HERC1: variants seen among roughly 807,000 people sequenced by gnomAD.
HERC1 encodes HECT and RLD domain containing E3 ubiquitin protein ligase family member 1.
HERC1 carries 160 observed loss-of-function variants against 554.3 expected under a neutral mutation model. The ratio of observed to expected loss-of-function variants is 0.29; its 90% confidence interval spans 0.25 to 0.33. The LOEUF (loss-of-function observed/expected upper bound fraction) is 0.33. Ranked by LOEUF, HERC1 falls within the 10% of genes least tolerant of loss-of-function variation. HERC1 has a pLI of 1.00. For synonymous variants in HERC1, 2,175 were observed against 2,131.7 expected (o/e 1.02, Z -0.56); for missense variants, 4,919 against 5,918.5 (o/e 0.83, Z 5.54).
intron 1 of HERC1, among the ~76,000 whole-genome samples, chr15:63,826,366 T>A (rs2077902503): frequency 6.6e-6 from 1 of 152,200 alleles, no homozygotes; most frequent in Admixed American, 6.5e-5. Context: ...GGTTCCAAGA[T>A]ACTGCCATTA....
At position 63,612,458 on chromosome 15, in the gene HERC1, G is replaced by A. The variant is rs760269349; in HGVS notation, c.14193C>T (p.Pro4731=). ...TCTTCAAGACTTCCACAGAGATCTC[G>A]GGCATCCCACACACCATCTGCTCCA... ...KQLEQMVCGM[P]EISVEVLKKV... The change falls in exon 77 of 78, where the codon CCC becomes CCT. Residue 4731 remains proline, a synonymous_variant. Coordinates refer to ENST00000443617, the MANE Select transcript of HERC1 (RefSeq NM_003922.4). This position sits in a 1 kb window ranked among gnomAD's most constrained non-coding sequence, Gnocchi z 5.0. 2.7e-5 allele frequency: 43 copies of A among 1,613,860 alleles called. No homozygotes were observed. Among genetic ancestry groups the A allele is most frequent in the South Asian group, 4.4e-5 (4 of 91,086 alleles).
At position 63,734,790 on chromosome 15, in the gene HERC1, C is replaced by A; in HGVS notation, c.2580G>T (p.Arg860=). The stretch of plus-strand genomic sequence containing the variant: ...GTAAAAGAGAATGAAGTAATTCCAT[C>A]CGTTCTCGTAATGGAGGTAACAGCA... ...ATMLLPPLRE[R]MELLHSLLPQ... is the part of the protein sequence containing the mutation. Residue 860 remains arginine, a synonymous_variant, in exon 13 of 78, where the codon CGG becomes CGT. Coordinates refer to ENST00000443617, the MANE Select transcript of HERC1 (RefSeq NM_003922.4). The surrounding 1 kb of genome is among the most constrained non-coding windows in gnomAD (Gnocchi z 4.6). The A allele has an allele frequency of 6.2e-7, 1 of 1,603,330 alleles. No homozygotes were observed.
intron 25 of HERC1, among the ~76,000 whole-genome samples, chr15:63,700,551 A>G (rs995471074): frequency 3.3e-5 from 5 of 152,080 alleles, no homozygotes; most frequent in African/African-American, 4.8e-5. Flanking sequence ...CAAAGTAACT[A>G]TGAAATAATT....
At chr15:63,760,622 A>C (rs2075581414) in intron 3 of HERC1, among the ~76,000 whole-genome samples, 2 of 151,982 alleles carry the variant, frequency 1.3e-5, no homozygotes, top group Admixed American at 1.3e-4. Flanking sequence ...GTAATGAAAG[A>C]CAAAAAGCAT....
chr15:63,623,837 A>G lies in HERC1; in HGVS notation c.13499T>C (p.Leu4500Pro). The change falls in exon 73 of 78, where the codon CTG becomes CCG. Residue 4500 changes from leucine to proline, a missense_variant. By Grantham distance (98) the Leu-to-Pro change is moderately conservative (BLOSUM62 -3). This residue lies in a region of HERC1 where 410 missense variants were observed against 467.0 expected (regional missense o/e 0.88). Transcript: ENST00000443617. ...AGGCAGGCGGAGGTCTGAAGCATTCAGCTTAACTACTTGTCTCGCTATTTG... is the reference window on the plus strand; with the variant it reads ...AGGCAGGCGGAGGTCTGAAGCATTCGGCTTAACTACTTGTCTCGCTATTTG... ...FVQIARQVVKLNASDLRLPSR... is the reference protein window; with the variant it reads ...FVQIARQVVKPNASDLRLPSR... The G allele has an allele frequency of 6.2e-7, 1 of 1,614,042 alleles. No individual in the cohort carries two copies. The highest frequency in any genetic ancestry group is 8.5e-7 in the Non-Finnish European group (1 of 1,179,896).
chr15:63,832,028 T>C (rs1323287926), intron 1 of HERC1, among the ~76,000 whole-genome samples: 1 of 152,214 alleles, frequency 6.6e-6, no homozygotes. Context: ...ACAAGAGGCC[T>C]TAATAGGCCA....
chr15:63,654,948 A>C (rs1283866587), intron 50 of HERC1, among the ~76,000 whole-genome samples: 1 of 152,168 alleles, frequency 6.6e-6, no homozygotes, highest in East Asian at 1.9e-4. Flanking sequence ...CAGCAGAAAT[A>C]ATTTTAAAAC....
At chr15:63,738,795 G>T (rs895837836) in intron 12 of HERC1, among the ~76,000 whole-genome samples, 4 of 152,114 alleles carry the variant, frequency 2.6e-5, no homozygotes, top group Non-Finnish European at 4.4e-5. Flanking sequence ...AGAATAAAAA[G>T]ATAACCCAAA....
chr15:63,732,802 C>T, intron 14 of HERC1, 122 bp downstream of exon 14: 2 of 638,424 alleles, frequency 3.1e-6, no homozygotes, highest in Non-Finnish European at 5.5e-6. Context: ...CATGTTTTTC[C>T]CCTTGGGGGA....
Position 63,683,890 on chromosome 15 carries a change from C to T in HERC1, c.6225+2469G>A, listed in dbSNP as rs78520774. On this transcript the variant is annotated intron_variant, in intron 34 of 77. Coordinates refer to ENST00000443617, the MANE Select transcript of HERC1 (RefSeq NM_003922.4). Reference sequence around the variant, plus strand: ...ACTCACACATTCTAATTGCCTGGACCTGACTATAAGCTAAAACCTGACACT... The same window carrying T: ...ACTCACACATTCTAATTGCCTGGACTTGACTATAAGCTAAAACCTGACACT... 7.1e-3 allele frequency among the ~76,000 whole-genome samples: 1,083 copies of T among 152,356 alleles called. 13 individuals carry two copies. The highest frequency in any genetic ancestry group is 0.025 in the African/African-American group (1,042 of 41,576).
chr15:63,719,396 G>A (rs979455433), intron 19 of HERC1, among the ~76,000 whole-genome samples: 2 of 152,220 alleles, frequency 1.3e-5, no homozygotes, highest in African/African-American at 2.4e-5. Context: ...GGGGCAAACC[G>A]TGCATGCACA....
At chr15:63,717,632 T>C (rs545927798) in intron 21 of HERC1, among the ~76,000 whole-genome samples, 3 of 152,274 alleles carry the variant, frequency 2.0e-5, no homozygotes, top group African/African-American at 7.2e-5. Context: ...GGTGGGTGGA[T>C]CACTTGAGGT....
chr15:63,624,399 G>A (rs1351979037), intron 71 of HERC1, 72 bp from the exon 72 acceptor site: 2 of 1,392,464 alleles, frequency 1.4e-6, no homozygotes, highest in East Asian at 4.7e-5. Context: ...TTCACTTATA[G>A]AACATACATT....
intron 33 of HERC1, among the ~76,000 whole-genome samples, chr15:63,689,275 G>A (rs1473696113): frequency 6.6e-6 from 1 of 152,234 alleles, no homozygotes; most frequent in East Asian, 1.9e-4. Context: ...CAAGATAAAT[G>A]GTGGGGTTGA....
chr15:63,825,925 G>C (rs2077886081), intron 1 of HERC1, among the ~76,000 whole-genome samples: 1 of 151,908 alleles, frequency 6.6e-6, no homozygotes, highest in East Asian at 1.9e-4. Flanking sequence ...ACCATGCTCA[G>C]TTAATTTTTG....
At position 63,704,441 on chromosome 15, in the gene HERC1, T is replaced by C. The variant is rs146775525; in HGVS notation, c.4636+2339A>G. 3.3e-4 allele frequency among the ~76,000 whole-genome samples: 50 copies of C among 152,336 alleles called. No homozygotes were observed. The East Asian group carries it at 9.2e-3, about 28-fold the overall frequency. ...ATTTTAACCAATGAACTATTACTTATAAACTTAACTAATATAGTATAAACT... is the reference window on the plus strand; with the variant it reads ...ATTTTAACCAATGAACTATTACTTACAAACTTAACTAATATAGTATAAACT... On this transcript the variant is annotated intron_variant, in intron 25 of 77. Coordinates refer to ENST00000443617, the MANE Select transcript of HERC1 (RefSeq NM_003922.4).
intron 73 of HERC1, among the ~76,000 whole-genome samples, chr15:63,623,195 C>G (rs575403607): frequency 6.6e-6 from 1 of 152,278 alleles, no homozygotes; most frequent in Admixed American, 6.5e-5. Flanking sequence ...GATAGCCAAC[C>G]ATTATTTTAG....
rs943770622 is a variant in HERC1, at chr15:63,713,765, C to T, written c.4151-100G>A. 3 of 1,034,614 alleles carry T rather than the reference C, an allele frequency of 2.9e-6. No homozygotes were observed. The African/African-American group carries it at 4.9e-5, about 17-fold the overall frequency. The allele number at this position is 1,034,614 out of a possible 1,614,324, so 64.1% of individuals were successfully genotyped here. A position where few individuals can be genotyped will look rare whatever the true frequency, so the allele number is the denominator to read the frequency against. On this transcript the variant is annotated intron_variant, in intron 22 of 77. Transcript: ENST00000443617. ...TCAAAAAGTTTGGACCAAAAACTTA[C>T]TGAAAGAGGGAAAAATTATTTTTTA...
intron 12 of HERC1, among the ~76,000 whole-genome samples, chr15:63,737,910 TC>T (rs2074618862): frequency 6.6e-6 from 1 of 152,184 alleles, no homozygotes; most frequent in Non-Finnish European, 1.5e-5. Context: ...AAAAATGATT[TC>T]CAATTTAGAA....
Sources: gnomAD v4.1 joint callset for allele counts (sites outside exome capture counted in the v4.1 genomes callset) on GRCh38, gnomAD v4.1.1 for gene constraint, gnomAD v4.1.1 regional missense constraint, Gnocchi (gnomAD v3.1) non-coding constraint, MANE v1.5 for transcripts, NCBI Gene and HGNC (gene_info 2026-07-23, HGNC 2026-07-21) for gene names.